Variants in OXR1 observed in about 807,000 individuals in gnomAD.
OXR1 encodes the protein oxidation resistance protein 1.
In OXR1, 41 loss-of-function variants were observed where a neutral mutation model predicts 104.6. The observed-to-expected ratio is 0.39, with a 90% CI of 0.31 to 0.51. The LOEUF is 0.51. OXR1 is among the 20% of genes least tolerant of loss of function. OXR1 has a pLI of 0.77. For missense variants in OXR1, 955 were observed against 1,031.9 expected (o/e 0.93, Z 1.02); for synonymous variants, 348 against 348.4 (o/e 1.00, Z 0.01).
chr8:106,489,925 A>G (rs1810964186), intron 2 of OXR1, among the ~76,000 whole-genome samples: 1 of 152,182 alleles, frequency 6.6e-6, no homozygotes, highest in Non-Finnish European at 1.5e-5. Context: ...CCAGATTGAA[A>G]TAGTTCAGAG....
At chr8:106,651,761 T>C (rs1362479645) in intron 3 of OXR1, among the ~76,000 whole-genome samples, 1 of 152,168 alleles carries the variant, frequency 6.6e-6, no homozygotes, top group Admixed American at 6.5e-5. Flanking sequence ...TGCAATTCTA[T>C]ATGAATTTGA....
intron 2 of OXR1, among the ~76,000 whole-genome samples, chr8:106,421,214 A>G (rs1388525176): frequency 6.6e-6 from 1 of 152,154 alleles, no homozygotes; most frequent in Non-Finnish European, 1.5e-5. Flanking sequence ...CACACATTCT[A>G]TAGAACACTA....
chr8:106,518,315 C>T (rs1004648873), intron 2 of OXR1, among the ~76,000 whole-genome samples: 3 of 152,120 alleles, frequency 2.0e-5, no homozygotes, highest in African/African-American at 7.2e-5. Flanking sequence ...GTTAACTCAC[C>T]ATCATTTACA....
rs187280485 is a variant in OXR1 at position 106,621,173 on chromosome 8, G to A, written c.221-58037G>A. Among the ~76,000 whole-genome samples, 184 of 152,056 alleles carry A rather than the reference G, an allele frequency of 1.2e-3. 4 individuals carry two copies. The highest frequency in any genetic ancestry group is 4.1e-3 in the African/African-American group (169 of 41,484). ...AGAGCTTGTATCCTTTATTGAATTAGCAAGCCACAACCCACAGTATCTCTG... is the reference window on the plus strand; with the variant it reads ...AGAGCTTGTATCCTTTATTGAATTAACAAGCCACAACCCACAGTATCTCTG... On this transcript the variant is annotated intron_variant, in intron 3 of 16. Transcript: ENST00000517566.
intron 3 of OXR1, among the ~76,000 whole-genome samples, chr8:106,570,291 T>C (rs1817382171): frequency 6.6e-6 from 1 of 152,204 alleles, no homozygotes; most frequent in African/African-American, 2.4e-5. Context: ...CCAATGACTT[T>C]GTATTTTCTG....
At chr8:106,720,905 A>G (rs1474332425) in intron 11 of OXR1, among the ~76,000 whole-genome samples, 1 of 152,226 alleles carries the variant, frequency 6.6e-6, no homozygotes, top group Non-Finnish European at 1.5e-5. Context: ...ATTCAGCTTT[A>G]TAATTTATTT....
chr8:106,405,192 ATATATATATAGT>A (rs1563758004), intron 2 of OXR1, among the ~76,000 whole-genome samples: 2 of 13,822 alleles, frequency 1.4e-4, no homozygotes, highest in Admixed American at 9.5e-4. Flanking sequence ...ATATATATAT[ATATATATATAGT>A]GTGTGTGTGT....
intron 1 of OXR1, among the ~76,000 whole-genome samples, chr8:106,279,168 T>C (rs569296672): frequency 6.6e-6 from 1 of 152,274 alleles, no homozygotes; most frequent in South Asian, 2.1e-4. Flanking sequence ...AAATTTCCAA[T>C]CAGCAGTTAC....
At chr8:106,635,762 T>A (rs542683053) in intron 3 of OXR1, among the ~76,000 whole-genome samples, 1 of 152,274 alleles carries the variant, frequency 6.6e-6, no homozygotes, top group Admixed American at 6.5e-5. Context: ...ATTTTAGAAA[T>A]AACTATAAGA....
chr8:106,532,378 G>A (rs570234833), intron 3 of OXR1, among the ~76,000 whole-genome samples: 24 of 152,278 alleles, frequency 1.6e-4, no homozygotes, highest in African/African-American at 5.5e-4. Context: ...TCCTACCTCT[G>A]CTATTCTGGG....
At chr8:106,560,846 C>T (rs1319613390) in intron 3 of OXR1, among the ~76,000 whole-genome samples, 1 of 152,174 alleles carries the variant, frequency 6.6e-6, no homozygotes, top group African/African-American at 2.4e-5. Flanking sequence ...ACAATGGGTG[C>T]AGCCCACGGA....
intron 7 of OXR1, among the ~76,000 whole-genome samples, chr8:106,696,229 G>A (rs1002636028): frequency 1.3e-5 from 2 of 152,072 alleles, no homozygotes; most frequent in Non-Finnish European, 2.9e-5. Flanking sequence ...GAGTATGATT[G>A]AATGAATTCA....
chr8:106,730,625 C>T (rs542950816), intron 11 of OXR1, among the ~76,000 whole-genome samples: 16 of 152,190 alleles, frequency 1.1e-4, no homozygotes, highest in South Asian at 4.2e-4. Flanking sequence ...TACCCATTCA[C>T]CTGGTAAAGG....
chr8:106,625,992 G>A (rs951014389), intron 3 of OXR1, among the ~76,000 whole-genome samples: 1 of 150,448 alleles, frequency 6.6e-6, no homozygotes, highest in African/African-American at 2.4e-5. Flanking sequence ...ATAATTTTTA[G>A]AATTAAAAAA....
intron 3 of OXR1, among the ~76,000 whole-genome samples, chr8:106,658,636 C>G (rs1003016205): frequency 6.6e-6 from 1 of 152,010 alleles, no homozygotes; most frequent in East Asian, 1.9e-4. Flanking sequence ...ACTTCCTAAC[C>G]GAAAAATAAA....
At chr8:106,641,568 A>G (rs1823634566) in intron 3 of OXR1, among the ~76,000 whole-genome samples, 2 of 152,228 alleles carry the variant, frequency 1.3e-5, no homozygotes, top group Admixed American at 6.5e-5. Context: ...CTTTCTCAAC[A>G]TCCAGTAGAA....
intron 2 of OXR1, among the ~76,000 whole-genome samples, chr8:106,445,963 G>A (rs1457440104): frequency 3.3e-5 from 5 of 152,150 alleles, no homozygotes; most frequent in Non-Finnish European, 7.3e-5. Flanking sequence ...CAAGACCAGG[G>A]CCTTACAATG....
At chr8:106,603,265 T>C (rs1820108755) in intron 3 of OXR1, among the ~76,000 whole-genome samples, 1 of 152,224 alleles carries the variant, frequency 6.6e-6, no homozygotes, top group Admixed American at 6.5e-5. Flanking sequence ...GTATTACCTC[T>C]GACATTTCTT....
intron 2 of OXR1, among the ~76,000 whole-genome samples, chr8:106,386,375 T>A (rs1586591736): frequency 6.6e-6 from 1 of 152,166 alleles, no homozygotes; most frequent in Admixed American, 6.5e-5. Context: ...AGAGAGGAGA[T>A]CCTTCATGCA....
Sources: allele counts gnomAD v4.1 joint callset (sites outside exome capture counted in the v4.1 genomes callset), GRCh38; gene constraint gnomAD v4.1.1; transcripts MANE v1.5; gene names NCBI Gene and HGNC (gene_info 2026-07-23, HGNC 2026-07-21).